LIPI: variants seen among roughly 807,000 people sequenced by gnomAD.
The protein encoded by LIPI is lipase member I.
In LIPI, 59 loss-of-function variants were observed where a neutral mutation model predicts 50.6. The ratio of observed to expected loss-of-function variants is 1.16; its 90% CI spans 0.94 to 1.45. LIPI has a LOEUF of 1.45. LIPI is among the 40% of genes most tolerant of loss of function. The pLI is 0.00. For synonymous variants in LIPI, 203 were observed against 178.2 expected (o/e 1.14, Z -1.11); for missense variants, 586 against 536.3 (o/e 1.09, Z -0.92).
chr21:14,205,910 C>G (rs378430), intron 1 of LIPI, among the ~76,000 whole-genome samples: 21,159 of 152,018 alleles, frequency 0.14, 1,940 homozygotes, highest in South Asian at 0.21. Flanking sequence ...TCAAAATTCA[C>G]TAGCAGGTAC....
intron 9 of LIPI, among the ~76,000 whole-genome samples, chr21:14,139,960 T>C (rs1303338902): frequency 1.3e-5 from 2 of 152,084 alleles, no homozygotes; most frequent in Non-Finnish European, 2.9e-5. Flanking sequence ...TATGAGGCAG[T>C]GGAGATACTA....
At position 14,113,511 on chromosome 21, in the gene LIPI, G is replaced by T. The variant is rs2016496312; in HGVS notation, c.1296-4431C>A. 2.0e-5 allele frequency among the ~76,000 whole-genome samples: 3 copies of T among 152,052 alleles called. No homozygotes were observed. The South Asian group carries it at 6.2e-4, about 32-fold the overall frequency. ...CAAAATAAAATGCAAAGAGAAAATA[G>T]AATTTTAAAATTACCAAAGCTATCA... On this transcript the variant is annotated intron_variant, in intron 9 of 9. Transcript: ENST00000681601.
intron 1 of LIPI, among the ~76,000 whole-genome samples, chr21:14,201,806 A>G (rs1231634887): frequency 2.0e-5 from 3 of 152,142 alleles, no homozygotes; most frequent in Non-Finnish European, 4.4e-5. Context: ...CACCAATCCT[A>G]TTCAACATAG....
chr21:14,195,327 A>G (rs758910942), intron 1 of LIPI, among the ~76,000 whole-genome samples: 7 of 152,180 alleles, frequency 4.6e-5, no homozygotes, highest in Non-Finnish European at 1.0e-4. Context: ...TTTCGAGGTC[A>G]CATTAGACTA....
chr21:14,115,866 G>T (rs1213968044), intron 9 of LIPI, among the ~76,000 whole-genome samples: 1 of 152,152 alleles, frequency 6.6e-6, no homozygotes, highest in East Asian at 1.9e-4. Flanking sequence ...GCTGGGTGCA[G>T]CAGGAGTGGC....
At chr21:14,195,942 A>G (rs1302519992) in intron 1 of LIPI, among the ~76,000 whole-genome samples, 1 of 152,176 alleles carries the variant, frequency 6.6e-6, no homozygotes, top group Non-Finnish European at 1.5e-5. Flanking sequence ...AAAAACTGAC[A>G]AAACCAATGA....
chr21:14,112,943 C>A (rs1276288021), intron 9 of LIPI, among the ~76,000 whole-genome samples: 1 of 152,130 alleles, frequency 6.6e-6, no homozygotes, highest in Admixed American at 6.6e-5. Context: ...CCTATTTCCA[C>A]CTGCCATGTG....
intron 9 of LIPI, among the ~76,000 whole-genome samples, chr21:14,140,322 T>G (rs560196846): frequency 4.9e-4 from 74 of 152,266 alleles, no homozygotes; most frequent in African/African-American, 1.8e-3. Flanking sequence ...CCAGGTTTCT[T>G]GGCTTAAACA....
intron 9 of LIPI, among the ~76,000 whole-genome samples, chr21:14,128,546 C>T (rs560510865): frequency 7.9e-5 from 12 of 152,038 alleles, no homozygotes; most frequent in Middle Eastern, 3.4e-3. Context: ...GTAGTAGACA[C>T]CAATTAAATG....
Position 14,200,716 on chromosome 21 carries a change from C to G in LIPI, c.46+10084G>C, listed in dbSNP as rs1341229638. ...GCAATTTATAGATTCAATGTGATTC[C>G]TATTAAACTACCATTGAGAGTATTC... is the stretch of plus-strand genomic sequence containing the variant. On this transcript the variant is annotated intron_variant, in intron 1 of 9. Transcript: ENST00000681601. Among the ~76,000 whole-genome samples, 3 of 151,820 alleles carry G rather than the reference C, an allele frequency of 2.0e-5. No individual in the cohort carries two copies. The South Asian group carries it at 6.3e-4, about 32-fold the overall frequency.
chr21:14,153,492 T>G (rs931252744), intron 7 of LIPI, among the ~76,000 whole-genome samples: 4 of 152,206 alleles, frequency 2.6e-5, no homozygotes, highest in Admixed American at 2.6e-4. Flanking sequence ...ATTGAGATGT[T>G]ACAGATTAAG....
At chr21:14,117,894 C>T (rs2016714853) in intron 9 of LIPI, among the ~76,000 whole-genome samples, 1 of 151,866 alleles carries the variant, frequency 6.6e-6, no homozygotes, top group Non-Finnish European at 1.5e-5. Context: ...AGTTCTTGGC[C>T]ACAGCCCTGG....
At position 14,144,881 on chromosome 21, in the gene LIPI, G is replaced by A. The variant is rs112198542; in HGVS notation, c.1119-82C>T. The A allele has an allele frequency of 3.7e-4, 349 of 930,932 alleles. 2 individuals carry two copies. The African/African-American group carries it at 4.9e-3, about 13-fold the overall frequency. 57.7% of individuals were successfully genotyped at this position (930,932 alleles called of 1,614,324 possible). A position where few individuals can be genotyped will look rare whatever the true frequency, so the allele number is the denominator to read the frequency against. ...CTAAAATCAATATAATCCTAATAAG[G>A]GAGGCCACAGAGAACAAAATTATAG... is the stretch of plus-strand genomic sequence containing the variant. On this transcript the variant is annotated intron_variant, in intron 8 of 9. Coordinates refer to ENST00000681601, the MANE Select transcript of LIPI (RefSeq NM_001302998.2).
At chr21:14,179,902 C>T (rs890260506) in intron 4 of LIPI, among the ~76,000 whole-genome samples, 9 of 152,266 alleles carry the variant, frequency 5.9e-5, no homozygotes, top group African/African-American at 2.2e-4. Context: ...ACCATAAGGT[C>T]TGACTGCCTG....
Position 14,189,069 on chromosome 21 carries a change from C to T in LIPI, c.397G>A (p.Ala133Thr). 1.2e-6 allele frequency: 2 copies of T among 1,609,106 alleles called. No individual in the cohort carries two copies. The highest frequency in any genetic ancestry group is 1.7e-6 in the Non-Finnish European group (2 of 1,179,910). ...NRAVKNTRKV[A>T]VSLSVHIKNL... ...TTAATGTGCACACTCAAACTCACAG[C>T]AACTTTTCTGGTGTTTTTAACTGCT... The change falls in exon 2 of 10, where the codon GCT (alanine) becomes ACT (threonine). Residue 133 changes from alanine (A) to threonine (T), a missense_variant. By Grantham distance (58) the Ala-to-Thr change is moderately conservative. Coordinates refer to ENST00000681601, the MANE Select transcript of LIPI (RefSeq NM_001302998.2).
intron 9 of LIPI, among the ~76,000 whole-genome samples, chr21:14,114,942 G>C (rs2016565813): frequency 6.6e-6 from 1 of 152,320 alleles, no homozygotes; most frequent in South Asian, 2.1e-4. Context: ...TTTAGGTTCA[G>C]TGCATGGTAG....
chr21:14,176,387 G>A (rs938855277), intron 4 of LIPI, among the ~76,000 whole-genome samples: 1 of 151,746 alleles, frequency 6.6e-6, no homozygotes, highest in African/African-American at 2.4e-5. Context: ...CAAAATAGAT[G>A]CTTAGATTAT....
intron 9 of LIPI, among the ~76,000 whole-genome samples, chr21:14,136,264 G>A (rs564834157): frequency 1.1e-4 from 17 of 152,256 alleles, no homozygotes; most frequent in African/African-American, 3.4e-4. Flanking sequence ...AAGTGGGCTC[G>A]TGGGGTTCAC....
At chr21:14,189,628 T>C (rs1002197626) in intron 1 of LIPI, among the ~76,000 whole-genome samples, 1 of 152,146 alleles carries the variant, frequency 6.6e-6, no homozygotes, top group Non-Finnish European at 1.5e-5. Context: ...AAAATATAAA[T>C]GTGATTGGTT....
Sources: gnomAD v4.1 joint callset for allele counts (sites outside exome capture counted in the v4.1 genomes callset) on GRCh38, gnomAD v4.1.1 for gene constraint, MANE v1.5 for transcripts, NCBI Gene and HGNC (gene_info 2026-07-23, HGNC 2026-07-21) for gene names.